Variants in JCAD observed in about 807,000 individuals in gnomAD.
The protein encoded by JCAD is junctional cadherin 5-associated protein.
JCAD carries 40 observed loss-of-function variants against 98.0 expected under a neutral mutation model. That is an observed-to-expected ratio of 0.41 (90% CI 0.32 to 0.53). The LOEUF is 0.53. Ranked by LOEUF, JCAD falls within the 20% of genes least tolerant of loss-of-function variation. The pLI is 0.31. For synonymous variants in JCAD, 691 were observed against 682.3 expected (o/e 1.01, Z -0.20); for missense variants, 1,705 against 1,738.1 (o/e 0.98, Z 0.34).
intron 1 of JCAD, among the ~76,000 whole-genome samples, chr10:30,048,859 C>T (rs1299978947): frequency 6.6e-6 from 1 of 152,178 alleles, no homozygotes. Context: ...TGAGCCACCA[C>T]ACCCGGCCTC....
intron 2 of JCAD, among the ~76,000 whole-genome samples, chr10:30,038,323 G>T (rs555802513): frequency 6.6e-6 from 1 of 152,226 alleles, no homozygotes; most frequent in South Asian, 2.1e-4. Flanking sequence ...AAAATCAGGG[G>T]CTGGGAGACT....
upstream of JCAD, among the ~76,000 whole-genome samples, chr10:30,061,696 C>A (rs7084626): frequency 0.065 from 9,734 of 150,330 alleles, 458 homozygotes; most frequent in East Asian, 0.23. Context: ...AAATAGGATT[C>A]GACAAAATTT....
chr10:30,098,001 T>C, intron 1 of JCAD, among the ~76,000 whole-genome samples: 1 of 152,180 alleles, frequency 6.6e-6, no homozygotes. Context: ...TCCAGACTTC[T>C]GGCCATCAAA....
chr10:30,049,698 G>A (rs1361967193), intron 1 of JCAD, among the ~76,000 whole-genome samples: 5 of 152,122 alleles, frequency 3.3e-5, no homozygotes, highest in Non-Finnish European at 1.5e-5. Context: ...GAGAAGCAAG[G>A]GTTTGTTCTT....
chr10:30,100,467 C>T (rs762407099), intron 1 of JCAD, among the ~76,000 whole-genome samples: 19 of 152,172 alleles, frequency 1.2e-4, no homozygotes, highest in East Asian at 5.8e-4. Flanking sequence ...CTGCAACCTC[C>T]GCCTCCTGGG....
At chr10:30,108,496 T>C (rs1268852050) in intron 1 of JCAD, among the ~76,000 whole-genome samples, 1 of 152,108 alleles carries the variant, frequency 6.6e-6, no homozygotes, top group African/African-American at 2.4e-5. Flanking sequence ...ATCAGAAAGA[T>C]TGCAGGAACA....
chr10:30,079,615 A>G lies in JCAD; in HGVS notation n.129-9794T>C, dbSNP rs1469496940. ...TGGCTGCCCTTGGGTCAGCTGATTC[A>G]CCAGGCTCCAATCAGCTGAGGGGGC... On this transcript the variant is annotated intron_variant and non_coding_transcript_variant, in intron 1 of 2. Transcript: ENST00000465712. 7.9e-5 allele frequency among the ~76,000 whole-genome samples: 12 copies of G among 152,254 alleles called. No homozygotes were observed. In the East Asian group the frequency reaches 2.1e-3, roughly 27 times the overall value.
At position 30,053,546 on chromosome 10, in the gene JCAD, G is replaced by A. The variant is rs905125186; in HGVS notation, c.-59-5675C>T. ...TACACTCCAGCCTGGGTGACAGAGCGGATACTCTGTCTCAAAAAAAAAAGA... is the reference window on the plus strand; with the variant it reads ...TACACTCCAGCCTGGGTGACAGAGCAGATACTCTGTCTCAAAAAAAAAAGA... On this transcript the variant is annotated intron_variant, in intron 1 of 3. Transcript: ENST00000375377. Among the ~76,000 whole-genome samples, 9 of 144,650 alleles carry A rather than the reference G, an allele frequency of 6.2e-5. No individual in the cohort carries two copies. In the South Asian group the frequency reaches 6.8e-4, roughly 11 times the overall value. 94.9% of individuals were successfully genotyped at this position (144,650 alleles called of 152,430 possible).
At chr10:30,060,501 C>T (rs1837680163), upstream of JCAD, among the ~76,000 whole-genome samples, 1 of 152,140 alleles carries the variant, frequency 6.6e-6, no homozygotes, top group South Asian at 2.1e-4. Flanking sequence ...GGAAGGCAGA[C>T]AGAAGACAAA....
intron 3 of JCAD, among the ~76,000 whole-genome samples, 198 bp from the exon 4 acceptor site, chr10:30,018,115 C>T (rs1290530653): frequency 6.6e-6 from 1 of 152,154 alleles, no homozygotes; most frequent in East Asian, 1.9e-4. Flanking sequence ...AAGAATTGTG[C>T]ATAGTCATTA....
intron 1 of JCAD, among the ~76,000 whole-genome samples, chr10:30,050,314 C>CAAAAAAAA (rs61421356): frequency 2.7e-3 from 111 of 41,510 alleles, no homozygotes; most frequent in Middle Eastern, 0.019. Flanking sequence ...GACCCTGTCT[C>CAAAAAAAA]AAAAAAAAAA....
intron 1 of JCAD, among the ~76,000 whole-genome samples, chr10:30,108,477 G>T (rs1033084477): frequency 6.6e-6 from 1 of 152,116 alleles, no homozygotes; most frequent in Non-Finnish European, 1.5e-5. Context: ...ATGGGGCGAC[G>T]AGAATTTTAT....
rs182901066 is a variant in JCAD, at chr10:30,099,220, T to G, written n.128+16147A>C. 6.6e-4 allele frequency among the ~76,000 whole-genome samples: 101 copies of G among 152,312 alleles called. 1 individual carries two copies. The highest frequency in any genetic ancestry group is 7.3e-5 in the Non-Finnish European group (5 of 68,038). ...CACCTCATCTTTGAAACATAAGACA[T>G]CATTGCAAAAGAAAGATCTCAGTTA... On this transcript the variant is annotated intron_variant and non_coding_transcript_variant, in intron 1 of 2. Transcript: ENST00000465712.
chr10:30,037,897 T>A (rs546706465), intron 2 of JCAD, among the ~76,000 whole-genome samples: 52 of 144,238 alleles, frequency 3.6e-4, no homozygotes, highest in African/African-American at 1.3e-3. Context: ...TGCGCTTGGG[T>A]CTGGCTTCCA....
At position 30,029,631 on chromosome 10, in the gene JCAD, A is replaced by C. The variant is rs1466370657; in HGVS notation, c.517T>G (p.Leu173Val). The change falls in exon 3 of 4, where the codon TTG becomes GTG. Residue 173 changes from leucine to valine, a missense_variant. Coordinates refer to ENST00000375377, the MANE Select transcript of JCAD (RefSeq NM_020848.4). The part of the protein sequence containing the change: ...VMKKPVWEEE[L>V]RMSGPAKWQN... ...CACTTGGCAGGACCTGACATTCGCA[A>C]TTCTTCTTCCCAAACTGGCTTCTTC... 6.2e-7 allele frequency: 1 copy of C among 1,614,038 alleles called. No homozygotes were observed. Among genetic ancestry groups the C allele is most frequent in the African/African-American group, 1.3e-5 (1 of 74,914 alleles).
chr10:30,047,921 A>G, intron 1 of JCAD, 50 bp from the exon 2 acceptor site: 2 of 1,196,634 alleles, frequency 1.7e-6, no homozygotes, highest in South Asian at 3.0e-5. Flanking sequence ...CCTAGAGGTC[A>G]GTCTGACACC....
chr10:30,089,521 T>TGTGTGA (rs1362316864), intron 1 of JCAD, among the ~76,000 whole-genome samples: 1 of 150,972 alleles, frequency 6.6e-6, no homozygotes, highest in Non-Finnish European at 1.5e-5. Context: ...TCCGTGTGTG[T>TGTGTGA]GTGTGTGTGT....
At chr10:30,095,556 G>A (rs1838354234) in intron 1 of JCAD, among the ~76,000 whole-genome samples, 1 of 152,210 alleles carries the variant, frequency 6.6e-6, no homozygotes, top group Non-Finnish European at 1.5e-5. Flanking sequence ...TTTGGGGCTG[G>A]AATTGTGCAT....
upstream of JCAD, among the ~76,000 whole-genome samples, chr10:30,060,219 A>C (rs1007872361): frequency 6.6e-6 from 1 of 152,210 alleles, no homozygotes; most frequent in Non-Finnish European, 1.5e-5. Context: ...TTTCAAAAAA[A>C]AGTCTGAAGG....
Sources: allele counts gnomAD v4.1 joint callset (sites outside exome capture counted in the v4.1 genomes callset), GRCh38; gene constraint gnomAD v4.1.1; transcripts MANE v1.5; gene names NCBI Gene and HGNC (gene_info 2026-07-23, HGNC 2026-07-21).